TBXAS1: variants seen among roughly 807,000 people sequenced by gnomAD.
TBXAS1 encodes the protein thromboxane A synthase 1.
In TBXAS1, 48 loss-of-function variants were observed where a neutral mutation model predicts 60.7. That is an observed-to-expected ratio of 0.79 (90% CI 0.63 to 1.01). The LOEUF (loss-of-function observed/expected upper bound fraction) is 1.01, where lower values mean the gene tolerates loss of function less well. Ranked by LOEUF, TBXAS1 falls within the 50% of genes least tolerant of loss-of-function variation. The probability of loss-of-function intolerance (pLI) is 0.00; values close to 1 mark genes in which losing one functional copy is unlikely to be tolerated. For missense variants in TBXAS1, 685 were observed against 686.3 expected (o/e 1.00, Z 0.02); for synonymous variants, 287 against 269.7 (o/e 1.06, Z -0.63).
chr7:139,879,164 A>G (rs1344313007), intron 3 of TBXAS1, among the ~76,000 whole-genome samples: 1 of 152,252 alleles, frequency 6.6e-6, no homozygotes, highest in Non-Finnish European at 1.5e-5. Flanking sequence ...GACAACATCA[A>G]TGTTTATCAT....
intron 4 of TBXAS1, among the ~76,000 whole-genome samples, chr7:139,922,340 G>T (rs886350783): frequency 2.0e-5 from 3 of 152,010 alleles, no homozygotes; most frequent in African/African-American, 7.2e-5. Flanking sequence ...GACCTCAGGT[G>T]ATCTGCCCAC....
chr7:140,015,609 C>A (rs1814964536), intron 10 of TBXAS1, 114 bp from the exon 11 acceptor site: 13 of 1,259,162 alleles, frequency 1.0e-5, no homozygotes, highest in Non-Finnish European at 1.5e-5. Flanking sequence ...ATTCCACACA[C>A]CATGCTGCCT....
At chr7:139,807,972 G>C (rs73733505) in intron 4 of TBXAS1, among the ~76,000 whole-genome samples, 1 of 152,110 alleles carries the variant, frequency 6.6e-6, no homozygotes, top group Admixed American at 6.5e-5. Flanking sequence ...TGAATGTGGA[G>C]TTGGGTAGAG....
chr7:139,987,319 C>T (rs937236006), intron 9 of TBXAS1, among the ~76,000 whole-genome samples: 2 of 152,108 alleles, frequency 1.3e-5, no homozygotes, highest in African/African-American at 4.8e-5. Flanking sequence ...CCCAGGGTCC[C>T]GGGGAGACTA....
chr7:139,914,383 A>G (rs1287999591), intron 4 of TBXAS1, among the ~76,000 whole-genome samples: 1 of 152,034 alleles, frequency 6.6e-6, no homozygotes, highest in African/African-American at 2.4e-5. Context: ...TTTTAAAAAT[A>G]TCCATGGAAA....
At chr7:139,781,347 T>C (rs1257404434) in intron 2 of TBXAS1, among the ~76,000 whole-genome samples, 1 of 152,042 alleles carries the variant, frequency 6.6e-6, no homozygotes, top group Non-Finnish European at 1.5e-5. Context: ...AAGGAGAGCA[T>C]GGGAGCTGGG....
At chr7:139,828,439 A>G (rs1431670389), upstream of TBXAS1, among the ~76,000 whole-genome samples, 1 of 152,096 alleles carries the variant, frequency 6.6e-6, no homozygotes, top group Non-Finnish European at 1.5e-5. Context: ...CAAATGGGGC[A>G]CTCACAGTAT....
rs1232742630 is a variant in TBXAS1, at chr7:139,896,163, G to A, written c.237-15062G>A. On this transcript the variant is annotated intron_variant, in intron 3 of 12. Transcript: ENST00000448866. The surrounding 1 kb of genome is among the most constrained non-coding windows in gnomAD (Gnocchi z 4.0). ...CTAGCTTCTCAGGGATGCACGGACA[G>A]ATAAGATGGGCTTTGTCTTGAGAGA... Among the ~76,000 whole-genome samples, 1 of 152,184 alleles carries A rather than the reference G, an allele frequency of 6.6e-6. No homozygotes were observed. The highest frequency in any genetic ancestry group is 6.5e-5 in the Admixed American group (1 of 15,276).
chr7:140,015,606 A>G (rs1220296318), intron 10 of TBXAS1, 117 bp from the exon 11 acceptor site: 3 of 1,237,118 alleles, frequency 2.4e-6, no homozygotes, highest in Non-Finnish European at 3.5e-6. Context: ...CTCATTCCAC[A>G]CACCATGCTG....
At chr7:139,892,420 G>A (rs550133611) in intron 3 of TBXAS1, among the ~76,000 whole-genome samples, 163 of 152,140 alleles carry the variant, frequency 1.1e-3, no homozygotes, top group African/African-American at 3.5e-3. Flanking sequence ...GCGAAACCCC[G>A]TCTGTACTAA....
chr7:140,016,165 A>G (rs1462219380), intron 11 of TBXAS1, among the ~76,000 whole-genome samples: 1 of 151,870 alleles, frequency 6.6e-6, no homozygotes, highest in Admixed American at 6.5e-5. Flanking sequence ...CATCTCTACT[A>G]AAAATACAAA....
intron 5 of TBXAS1, among the ~76,000 whole-genome samples, chr7:139,942,908 G>A (rs981909769): frequency 4.6e-5 from 7 of 152,166 alleles, no homozygotes; most frequent in East Asian, 1.9e-4. Context: ...ACTTGGAGAC[G>A]ACATGTTACT....
intron 4 of TBXAS1, among the ~76,000 whole-genome samples, chr7:139,807,311 A>ATCCTCCAGCCTCAGCC (rs1183650113): frequency 4.0e-5 from 6 of 151,718 alleles, no homozygotes; most frequent in Admixed American, 1.3e-4. Context: ...GGCTCAAGTG[A>ATCCTCCAGCCTCAGCC]TCCTCCAGCC....
chr7:139,968,970 C>A (rs973142414), intron 9 of TBXAS1, among the ~76,000 whole-genome samples: 3 of 152,176 alleles, frequency 2.0e-5, no homozygotes, highest in East Asian at 1.9e-4. Flanking sequence ...AGGAAAAAAA[C>A]CAACTTCTTT....
chr7:139,921,709 C>T (rs916163971), intron 4 of TBXAS1, among the ~76,000 whole-genome samples: 2 of 152,180 alleles, frequency 1.3e-5, no homozygotes, highest in African/African-American at 4.8e-5. Flanking sequence ...ACATAGTTTG[C>T]ATTTTTCATT....
intron 3 of TBXAS1, among the ~76,000 whole-genome samples, chr7:139,882,950 AC>A (rs1285487673): frequency 6.6e-6 from 1 of 152,208 alleles, no homozygotes; most frequent in Non-Finnish European, 1.5e-5. Flanking sequence ...CTGTAAGAGC[AC>A]CTTTTTTAAA....
chr7:139,992,909 G>A (rs1191914159), intron 9 of TBXAS1, among the ~76,000 whole-genome samples: 2 of 152,156 alleles, frequency 1.3e-5, no homozygotes, highest in South Asian at 2.1e-4. Context: ...AGTGGCTCAC[G>A]CCTATAATAC....
chr7:139,886,528 C>T (rs1269294869), intron 3 of TBXAS1, among the ~76,000 whole-genome samples: 2 of 151,960 alleles, frequency 1.3e-5, no homozygotes, highest in African/African-American at 2.4e-5. Context: ...TAAAACACCC[C>T]CCAGCACCTC....
chr7:139,955,516 G>A lies in TBXAS1; in HGVS notation c.597G>A (p.Val199=), dbSNP rs752730531. ...CCAGCGTCGCCTTTGGCACCCCGGT[G>A]GACTCCTGGCAGGCCCCTGAGGATC... is the stretch of plus-strand genomic sequence containing the variant. ...VVASVAFGTP[V]DSWQAPEDPF... Residue 199 remains valine, a synonymous_variant, in exon 7 of 13, where the codon GTG becomes GTA. Transcript: ENST00000448866. 4.7e-5 allele frequency: 76 copies of A among 1,614,092 alleles called. No individual in the cohort carries two copies. Among genetic ancestry groups the A allele is most frequent in the Non-Finnish European group, 6.0e-5 (71 of 1,180,050 alleles).
Sources: allele counts gnomAD v4.1 joint callset (sites outside exome capture counted in the v4.1 genomes callset), GRCh38; gene constraint gnomAD v4.1.1; non-coding constraint Gnocchi (gnomAD v3.1); transcripts MANE v1.5; gene names NCBI Gene and HGNC (gene_info 2026-07-23, HGNC 2026-07-21).